PARD3B: variants seen among roughly 807,000 people sequenced by gnomAD.
PARD3B encodes the protein partitioning defective 3 homolog B.
Under a neutral mutation model 130.2 loss-of-function variants are expected in PARD3B, and 103 were observed. That is an observed-to-expected ratio of 0.79 (90% confidence interval 0.67 to 0.93). The LOEUF is 0.93. PARD3B is among the 40% of genes least tolerant of loss of function. The probability of loss-of-function intolerance (pLI) is 0.00; values close to 1 mark genes in which losing one functional copy is unlikely to be tolerated. For synonymous variants in PARD3B, 583 were observed against 553.2 expected (o/e 1.05, Z -0.76); for missense variants, 1,609 against 1,499.2 (o/e 1.07, Z -1.21).
In PARD3B at chr2:205,459,013, C is replaced by T. The variant is rs147202753; in HGVS notation, c.3044+18341C>T. On this transcript the variant is annotated intron_variant, in intron 20 of 22. Coordinates refer to ENST00000406610, the MANE Select transcript of PARD3B (RefSeq NM_001302769.2). ...GAGAGTCTGTGTTGTTTACGAGTCC[C>T]TTCTTCCTTAGCAGGTTCTCAACTC... Among the ~76,000 whole-genome samples the T allele has an allele frequency of 2.5e-3, 388 of 152,280 alleles. 1 individual carries two copies. The highest frequency in any genetic ancestry group is 8.6e-3 in the African/African-American group (359 of 41,534).
chr2:205,239,960 TTGTG>T (rs146971239), intron 15 of PARD3B, among the ~76,000 whole-genome samples: 3 of 151,662 alleles, frequency 2.0e-5, no homozygotes, highest in African/African-American at 4.8e-5. Flanking sequence ...GGGTGTGTGT[TTGTG>T]TGTGTGTGTG....
intron 4 of PARD3B, among the ~76,000 whole-genome samples, chr2:205,079,021 G>A (rs932496361): frequency 4.6e-5 from 7 of 152,198 alleles, no homozygotes; most frequent in East Asian, 1.9e-4. Context: ...GACCCCAAGC[G>A]AGGGCTGCCC....
At chr2:205,438,448 A>C (rs2047594787) in intron 19 of PARD3B, among the ~76,000 whole-genome samples, 1 of 152,174 alleles carries the variant, frequency 6.6e-6, no homozygotes, top group Non-Finnish European at 1.5e-5. Context: ...TTTCTCTTGA[A>C]GGCATCTCAC....
At chr2:204,829,365 T>C (rs7579495) in intron 2 of PARD3B, among the ~76,000 whole-genome samples, 2,208 of 152,340 alleles carry the variant, frequency 0.014, 63 homozygotes, top group African/African-American at 0.05. Flanking sequence ...ATCAGCTTTC[T>C]TCAATAGAAA....
At chr2:204,614,300 C>T (rs980152025) in intron 1 of PARD3B, among the ~76,000 whole-genome samples, 6 of 151,882 alleles carry the variant, frequency 4.0e-5, no homozygotes, top group Non-Finnish European at 7.4e-5. Flanking sequence ...ATATAAAAAT[C>T]GAGCAATATT....
chr2:205,072,732 C>A (rs1422421148), intron 4 of PARD3B, among the ~76,000 whole-genome samples: 1 of 152,038 alleles, frequency 6.6e-6, no homozygotes, highest in African/African-American at 2.4e-5. Flanking sequence ...TAACTGCATT[C>A]ATTTACTGTT....
At chr2:205,217,872 ATAT>A (rs2038020079) in intron 15 of PARD3B, among the ~76,000 whole-genome samples, 1 of 37,326 alleles carries the variant, frequency 2.7e-5, no homozygotes, top group Non-Finnish European at 4.6e-5. Context: ...GTGTGTGTAT[ATAT>A]ATATATATAT....
Position 205,550,415 on chromosome 2 carries a change from T to A in PARD3B, c.3181-2909T>A, listed in dbSNP as rs2052566070. On this transcript the variant is annotated intron_variant, in intron 21 of 22. Transcript: ENST00000406610. The surrounding 1 kb of genome is among the most constrained non-coding windows in gnomAD (Gnocchi z 4.5). ...ATACAGTGAATGACTGCATTAATGATGTTGCAGTATCAATGGAGAAACATA... is the reference window on the plus strand; with the variant it reads ...ATACAGTGAATGACTGCATTAATGAAGTTGCAGTATCAATGGAGAAACATA... 6.6e-6 allele frequency among the ~76,000 whole-genome samples: 1 copy of A among 152,194 alleles called. No homozygotes were observed. Among genetic ancestry groups the A allele is most frequent in the Non-Finnish European group, 1.5e-5 (1 of 68,038 alleles).
chr2:204,926,638 G>A (rs925731093), intron 2 of PARD3B, among the ~76,000 whole-genome samples: 23 of 152,070 alleles, frequency 1.5e-4, no homozygotes, highest in Non-Finnish European at 2.2e-4. Flanking sequence ...TATTTCTCTC[G>A]GAAGCAAACT....
At chr2:204,965,805 T>G (rs1410993335) in intron 3 of PARD3B, among the ~76,000 whole-genome samples, 2 of 152,228 alleles carry the variant, frequency 1.3e-5, no homozygotes, top group Non-Finnish European at 2.9e-5. Flanking sequence ...ACAAGACAAT[T>G]CATCCAGTAA....
chr2:204,689,710 T>G lies in PARD3B; in HGVS notation c.222+3428T>G, dbSNP rs981835669. Among the ~76,000 whole-genome samples the G allele has an allele frequency of 1.3e-5, 2 of 152,134 alleles. No homozygotes were observed. Among genetic ancestry groups the G allele is most frequent in the Admixed American group, 6.6e-5 (1 of 15,264 alleles). On this transcript the variant is annotated intron_variant, in intron 2 of 22. Coordinates refer to ENST00000406610, the MANE Select transcript of PARD3B (RefSeq NM_001302769.2). This position sits in a 1 kb window ranked among gnomAD's most constrained non-coding sequence, Gnocchi z 5.2. The stretch of plus-strand genomic sequence containing the variant: ...AGACAAGAGCTAGTGTTATCCCTAT[T>G]TTTAATTTCCAGAATAATCACAGAA...
At chr2:205,294,107 T>C (rs1466384672) in intron 16 of PARD3B, among the ~76,000 whole-genome samples, 1 of 152,192 alleles carries the variant, frequency 6.6e-6, no homozygotes, top group African/African-American at 2.4e-5. Context: ...TGCAGCTTTT[T>C]ATTTGTTTTT....
Position 205,263,057 on chromosome 2 carries a change from T to C in PARD3B, c.2185+17235T>C, listed in dbSNP as rs1355021446. 6.6e-6 allele frequency among the ~76,000 whole-genome samples: 1 copy of C among 151,950 alleles called. No homozygotes were observed. Among genetic ancestry groups the C allele is most frequent in the Non-Finnish European group, 1.5e-5 (1 of 67,934 alleles). On this transcript the variant is annotated intron_variant, in intron 16 of 22. Coordinates refer to ENST00000406610, the MANE Select transcript of PARD3B (RefSeq NM_001302769.2). The surrounding 1 kb of genome is among the most constrained non-coding windows in gnomAD (Gnocchi z 4.0). Reference sequence around the variant, plus strand: ...GCCCAAGGTACTGCCATGGGGGTAATTTATGAATCTGGAGAAATAACAGAG... The same window carrying C: ...GCCCAAGGTACTGCCATGGGGGTAACTTATGAATCTGGAGAAATAACAGAG...
chr2:205,080,402 A>G (rs933124839), intron 4 of PARD3B, among the ~76,000 whole-genome samples: 2 of 152,062 alleles, frequency 1.3e-5, no homozygotes, highest in African/African-American at 4.8e-5. Flanking sequence ...TAAATAATAT[A>G]CTTAAACATC....
chr2:204,800,380 A>G (rs559095263), intron 2 of PARD3B, among the ~76,000 whole-genome samples: 2 of 152,194 alleles, frequency 1.3e-5, no homozygotes, highest in Non-Finnish European at 2.9e-5. Flanking sequence ...AGATCTAGAA[A>G]GTCGCCTCAA....
intron 2 of PARD3B, among the ~76,000 whole-genome samples, chr2:204,776,769 T>C (rs1365207973): frequency 6.6e-6 from 1 of 151,926 alleles, no homozygotes. Flanking sequence ...GGGGTTTGCC[T>C]TCAAGAAAAA....
chr2:204,966,607 C>T (rs577191973), intron 3 of PARD3B, among the ~76,000 whole-genome samples: 81 of 152,254 alleles, frequency 5.3e-4, no homozygotes, highest in Non-Finnish European at 1.6e-4. Context: ...TTCAAATGGC[C>T]GAACCTCAGA....
intron 18 of PARD3B, among the ~76,000 whole-genome samples, chr2:205,306,496 C>T (rs1390832197): frequency 1.3e-5 from 2 of 152,032 alleles, no homozygotes; most frequent in Non-Finnish European, 2.9e-5. Context: ...CTAAATTAAA[C>T]CTTAACTTTA....
rs1358261473 is a variant in PARD3B at position 205,329,993 on chromosome 2, CAAAA to C, written c.2630+28293_2630+28296del. Among the ~76,000 whole-genome samples, 325 of 112,028 alleles carry C rather than the reference CAAAA, an allele frequency of 2.9e-3. 3 individuals carry two copies. The highest frequency in any genetic ancestry group is 3.8e-3 in the Non-Finnish European group (205 of 53,956). The allele number at this position is 112,028 out of a possible 152,430, so 73.5% of individuals were successfully genotyped here. ...TGGACAACAGAGCAAAACGCCGTCT[CAAAA>C]TAAATAAATAAATAAATAAATAAAT... is the stretch of plus-strand genomic sequence containing the variant. On this transcript the variant is annotated intron_variant, in intron 18 of 22. Coordinates refer to ENST00000406610, the MANE Select transcript of PARD3B (RefSeq NM_001302769.2).
Sources: allele counts gnomAD v4.1 joint callset (sites outside exome capture counted in the v4.1 genomes callset), GRCh38; gene constraint gnomAD v4.1.1; non-coding constraint Gnocchi (gnomAD v3.1); transcripts MANE v1.5; gene names NCBI Gene and HGNC (gene_info 2026-07-23, HGNC 2026-07-21).